Variants in NXPH2 observed in about 807,000 individuals in gnomAD.
NXPH2 encodes the protein neurexophilin-2.
Under a neutral mutation model 19.8 loss-of-function variants are expected in NXPH2, and 5 were observed. The observed-to-expected ratio is 0.25, with a 90% CI of 0.13 to 0.53. The LOEUF is 0.53. Ranked by LOEUF, NXPH2 falls within the 20% of genes least tolerant of loss-of-function variation. The pLI, the probability that NXPH2 is intolerant of heterozygous loss-of-function variation, is 0.96. For synonymous variants in NXPH2, 154 were observed against 127.4 expected, an observed-to-expected ratio of 1.21 and a Z score of -1.41; for missense variants, 289 against 322.8, an observed-to-expected ratio of 0.90 and a Z score of 0.80.
intron 1 of NXPH2, among the ~76,000 whole-genome samples, chr2:138,754,183 T>C (rs1015397246): frequency 2.0e-5 from 3 of 152,134 alleles, no homozygotes; most frequent in Admixed American, 6.6e-5. Flanking sequence ...CCCCAGCCTC[T>C]TTATTGATTT....
chr2:138,746,438 C>T (rs1316612728), intron 1 of NXPH2, among the ~76,000 whole-genome samples: 1 of 152,210 alleles, frequency 6.6e-6, no homozygotes, highest in Non-Finnish European at 1.5e-5. Flanking sequence ...CATGCTCCCT[C>T]GTGCCTGGCT....
chr2:138,744,771 C>T (rs1681699715), intron 1 of NXPH2, among the ~76,000 whole-genome samples: 1 of 152,186 alleles, frequency 6.6e-6, no homozygotes, highest in East Asian at 1.9e-4. Flanking sequence ...CTCTTCCTGG[C>T]TCTAGCCCCA....
chr2:138,716,258 T>G (rs1681193740), intron 1 of NXPH2, among the ~76,000 whole-genome samples: 1 of 152,224 alleles, frequency 6.6e-6, no homozygotes, highest in Admixed American at 6.5e-5. Context: ...ATGGTCTGCA[T>G]GTTTATATCC....
chr2:138,680,470 G>T (rs570973456), intron 1 of NXPH2, among the ~76,000 whole-genome samples: 128 of 152,270 alleles, frequency 8.4e-4, no homozygotes, highest in African/African-American at 2.9e-3. Flanking sequence ...CCACATTTGT[G>T]CTGTAGGCAC....
intron 1 of NXPH2, among the ~76,000 whole-genome samples, chr2:138,756,731 C>T (rs1038195897): frequency 7.2e-5 from 11 of 152,146 alleles, no homozygotes; most frequent in African/African-American, 2.7e-4. Flanking sequence ...AGTTTTCGCT[C>T]ATGGCCTCAA....
chr2:138,721,936 C>T (rs547501877), intron 1 of NXPH2, among the ~76,000 whole-genome samples: 3 of 152,272 alleles, frequency 2.0e-5, no homozygotes, highest in East Asian at 3.9e-4. Flanking sequence ...ATAGCAATGG[C>T]GGGAGCATGG....
chr2:138,706,974 T>TA (rs1183151931), intron 1 of NXPH2, among the ~76,000 whole-genome samples: 1 of 151,258 alleles, frequency 6.6e-6, no homozygotes, highest in Non-Finnish European at 1.5e-5. Flanking sequence ...ATGGGTCTCT[T>TA]AAAAAATTGC....
At chr2:138,716,063 G>T (rs1271264726) in intron 1 of NXPH2, among the ~76,000 whole-genome samples, 1 of 151,978 alleles carries the variant, frequency 6.6e-6, no homozygotes. Context: ...AGCTTCTTTG[G>T]GAGTTGAGAA....
At chr2:138,758,173 C>A (rs903299282) in intron 1 of NXPH2, among the ~76,000 whole-genome samples, 1 of 152,056 alleles carries the variant, frequency 6.6e-6, no homozygotes. Flanking sequence ...AATGAAAAAT[C>A]ATCACTGGAT....
At chr2:138,718,631 A>C (rs1020731173) in intron 1 of NXPH2, among the ~76,000 whole-genome samples, 1 of 152,174 alleles carries the variant, frequency 6.6e-6, no homozygotes, top group Non-Finnish European at 1.5e-5. Context: ...GGAGAAAACT[A>C]AAAGGAAATG....
intron 1 of NXPH2, among the ~76,000 whole-genome samples, chr2:138,750,681 T>C (rs1681816264): frequency 6.6e-6 from 1 of 152,306 alleles, no homozygotes; most frequent in South Asian, 2.1e-4. Context: ...AAGTGAATGA[T>C]GGCAAATCTG....
At chr2:138,768,398 G>T (rs1193806610) in intron 1 of NXPH2, among the ~76,000 whole-genome samples, 1 of 152,148 alleles carries the variant, frequency 6.6e-6, no homozygotes, top group African/African-American at 2.4e-5. Flanking sequence ...TTTCTAAGGG[G>T]AATATCTATT....
chr2:138,671,605 C>A lies in NXPH2; in HGVS notation c.112G>T (p.Asp38Tyr), dbSNP rs745662004. The change falls in exon 2 of 2, where the codon GAT (aspartate) becomes TAT (tyrosine). Residue 38 changes from aspartate (D) to tyrosine (Y), a missense_variant. Physicochemically the swap from Asp to Tyr is radical, Grantham distance 160. Transcript: ENST00000272641. ...ATEGLDWEDK[D>Y]APGTLVGNVV... ...TTGCCGACCAACGTCCCTGGAGCAT[C>A]TTTGTCTTCCCAATCCAGCCCCTCC... is the stretch of plus-strand genomic sequence containing the variant. 2 of 1,609,476 alleles carry A rather than the reference C, an allele frequency of 1.2e-6. No homozygotes were observed. Among genetic ancestry groups the A allele is most frequent in the South Asian group, 2.2e-5 (2 of 90,050 alleles).
intron 1 of NXPH2, among the ~76,000 whole-genome samples, chr2:138,672,299 A>G (rs1464623107): frequency 6.6e-6 from 1 of 152,208 alleles, no homozygotes; most frequent in Non-Finnish European, 1.5e-5. Context: ...AAAGTAATGT[A>G]GAGAGGTATA....
intron 1 of NXPH2, among the ~76,000 whole-genome samples, chr2:138,713,943 G>T (rs1264468335): frequency 6.7e-6 from 1 of 149,902 alleles, no homozygotes; most frequent in Non-Finnish European, 1.5e-5. Flanking sequence ...CCACTCACAA[G>T]TTATGTAAAC....
At chr2:138,705,832 G>A (rs967995800) in intron 1 of NXPH2, among the ~76,000 whole-genome samples, 3 of 152,178 alleles carry the variant, frequency 2.0e-5, no homozygotes, top group African/African-American at 4.8e-5. Flanking sequence ...AGCTGAGGAT[G>A]TTTGTATTAC....
At chr2:138,697,145 A>G (rs113610004) in intron 1 of NXPH2, among the ~76,000 whole-genome samples, 1 of 152,138 alleles carries the variant, frequency 6.6e-6, no homozygotes, top group Non-Finnish European at 1.5e-5. Flanking sequence ...CTATAGGCAG[A>G]TCAGTGGTTG....
chr2:138,775,376 T>C (rs1336591881), intron 1 of NXPH2, among the ~76,000 whole-genome samples: 1 of 152,128 alleles, frequency 6.6e-6, no homozygotes, highest in East Asian at 1.9e-4. Flanking sequence ...TATGAAAATC[T>C]ATACCACAAC....
At chr2:138,717,229 A>G (rs746712742) in intron 1 of NXPH2, among the ~76,000 whole-genome samples, 2 of 152,154 alleles carry the variant, frequency 1.3e-5, no homozygotes, top group African/African-American at 2.4e-5. Flanking sequence ...ACATAATCAT[A>G]CACCTACCCT....
Sources: gnomAD v4.1 joint callset for allele counts (sites outside exome capture counted in the v4.1 genomes callset) on GRCh38, gnomAD v4.1.1 for gene constraint, MANE v1.5 for transcripts, NCBI Gene and HGNC (gene_info 2026-07-23, HGNC 2026-07-21) for gene names.